LRP1B: variants seen among roughly 807,000 people sequenced by gnomAD.
LRP1B encodes low-density lipoprotein receptor-related protein 1B.
In LRP1B, 217 loss-of-function variants were observed where a neutral mutation model predicts 556.6. That is an observed-to-expected ratio of 0.39 (90% CI 0.35 to 0.44). LRP1B has a LOEUF of 0.44. Among genes scored for constraint, LRP1B ranks in the 20% least tolerant of loss-of-function variants. LRP1B has a pLI of 1.00. For synonymous variants in LRP1B, 2,047 were observed against 1,865.8 expected (o/e 1.10, Z -2.50); for missense variants, 5,053 against 5,620.8 (o/e 0.90, Z 3.23).
chr2:141,378,954 AT>A (rs1183014828), intron 3 of LRP1B, among the ~76,000 whole-genome samples: 3 of 152,224 alleles, frequency 2.0e-5, no homozygotes, highest in African/African-American at 7.2e-5. Flanking sequence ...AAGTGAGAAT[AT>A]TTGAATACAT....
intron 2 of LRP1B, among the ~76,000 whole-genome samples, chr2:141,503,521 T>C (rs988931803): frequency 2.6e-5 from 4 of 152,004 alleles, no homozygotes; most frequent in African/African-American, 9.7e-5. Context: ...TGTATGACCA[T>C]TCTACCTGTA....
intron 41 of LRP1B, among the ~76,000 whole-genome samples, chr2:140,687,429 A>C (rs781458496): frequency 6.6e-6 from 1 of 152,192 alleles, no homozygotes; most frequent in Non-Finnish European, 1.5e-5. Context: ...ATGCTATCCT[A>C]GGCGTTGCAA....
chr2:141,720,395 C>T (rs992630794), intron 2 of LRP1B, among the ~76,000 whole-genome samples: 3 of 152,060 alleles, frequency 2.0e-5, no homozygotes. Context: ...AATGGTATAA[C>T]ATTTTCAATA....
intron 21 of LRP1B, among the ~76,000 whole-genome samples, chr2:140,921,032 A>G (rs1377243787): frequency 6.6e-6 from 1 of 152,002 alleles, no homozygotes; most frequent in Non-Finnish European, 1.5e-5. Flanking sequence ...AAATATCAAT[A>G]CACATTTTAA....
At chr2:140,767,554 G>A (rs6723234) in intron 35 of LRP1B, among the ~76,000 whole-genome samples, 77,790 of 151,120 alleles carry the variant, frequency 0.51, 20,161 homozygotes, top group East Asian at 0.75. Flanking sequence ...AACTCATTCA[G>A]ATGATCTATT....
At chr2:140,631,773 C>A (rs922793049) in intron 41 of LRP1B, among the ~76,000 whole-genome samples, 29 of 152,012 alleles carry the variant, frequency 1.9e-4, no homozygotes, top group Non-Finnish European at 3.4e-4. Flanking sequence ...ATGATAGACA[C>A]AAAACCATAG....
chr2:141,653,936 C>G (rs555069012), intron 2 of LRP1B, among the ~76,000 whole-genome samples: 121 of 152,236 alleles, frequency 7.9e-4, no homozygotes, highest in African/African-American at 2.7e-3. Context: ...ATTGTTTGGG[C>G]CACCATGTAT....
chr2:141,811,698 C>CA (rs1696364266), intron 1 of LRP1B, among the ~76,000 whole-genome samples: 2 of 151,922 alleles, frequency 1.3e-5, no homozygotes, highest in South Asian at 4.2e-4. Flanking sequence ...AGTTAACCAC[C>CA]AACAGCATGC....
At chr2:140,418,091 G>C (rs1357920858) in intron 66 of LRP1B, among the ~76,000 whole-genome samples, 1 of 152,192 alleles carries the variant, frequency 6.6e-6, no homozygotes. Flanking sequence ...TATTCAACCT[G>C]CTTGGCAAAC....
intron 1 of LRP1B, among the ~76,000 whole-genome samples, chr2:141,927,970 G>A (rs1700382834): frequency 6.7e-6 from 1 of 148,610 alleles, no homozygotes; most frequent in Non-Finnish European, 1.5e-5. Flanking sequence ...TTTTAAAGCT[G>A]TTGATGTTCT....
intron 1 of LRP1B, among the ~76,000 whole-genome samples, chr2:141,991,324 C>T (rs1702337604): frequency 4.6e-5 from 7 of 152,038 alleles, no homozygotes; most frequent in African/African-American, 1.7e-4. Flanking sequence ...GTCATTCACA[C>T]TTATGTCCAG....
At chr2:140,454,807 G>C (rs1001810221) in intron 62 of LRP1B, among the ~76,000 whole-genome samples, 1 of 152,100 alleles carries the variant, frequency 6.6e-6, no homozygotes, top group Admixed American at 6.6e-5. Context: ...CCTGTAGTGA[G>C]GCTGATGTTT....
chr2:140,655,798 CCGGGCATAGTGG>C lies in LRP1B; in HGVS notation c.6799+44440_6799+44451del, dbSNP rs368113631. Among the ~76,000 whole-genome samples the C allele has an allele frequency of 9.9e-3, 1,503 of 152,184 alleles. 29 individuals carry two copies. Among genetic ancestry groups the C allele is most frequent in the African/African-American group, 0.035 (1,436 of 41,526 alleles). On this transcript the variant is annotated intron_variant, in intron 41 of 90. Coordinates refer to ENST00000389484, the MANE Select transcript of LRP1B (RefSeq NM_018557.3). Reference sequence around the variant, plus strand: ...TCTACTAAAAATACAAAAAAATTAGCCGGGCATAGTGGCGGGCGCCTGTAGTCCCAGCTACTC... The same window carrying C: ...TCTACTAAAAATACAAAAAAATTAGCCGGGCGCCTGTAGTCCCAGCTACTC...
chr2:140,286,453 C>T (rs1187031632), intron 84 of LRP1B, among the ~76,000 whole-genome samples: 1 of 151,756 alleles, frequency 6.6e-6, no homozygotes, highest in African/African-American at 2.4e-5. Context: ...AACAGACACT[C>T]AGATGCTGGA....
intron 7 of LRP1B, among the ~76,000 whole-genome samples, chr2:141,112,071 T>TAAATA (rs1553461490): frequency 1.2e-4 from 17 of 145,822 alleles, no homozygotes; most frequent in East Asian, 8.0e-4. Flanking sequence ...AATAAATAAA[T>TAAATA]AATAAATAAA....
intron 10 of LRP1B, among the ~76,000 whole-genome samples, chr2:141,050,532 G>C (rs1195480214): frequency 3.9e-5 from 6 of 151,904 alleles, no homozygotes; most frequent in African/African-American, 1.5e-4. Flanking sequence ...GTTGTGTGTT[G>C]TTCCCCTCCC....
chr2:141,557,559 G>A (rs536674200), intron 2 of LRP1B, among the ~76,000 whole-genome samples: 3 of 151,964 alleles, frequency 2.0e-5, no homozygotes, highest in South Asian at 2.1e-4. Context: ...TACCACATCC[G>A]TTCCTGAAAA....
intron 6 of LRP1B, among the ~76,000 whole-genome samples, chr2:141,200,752 C>T (rs1681973796): frequency 6.6e-6 from 1 of 152,144 alleles, no homozygotes; most frequent in African/African-American, 2.4e-5. Flanking sequence ...TGTCTCCCCA[C>T]ATTAGAATAT....
At chr2:141,258,840 C>T (rs938838069) in intron 3 of LRP1B, among the ~76,000 whole-genome samples, 20 of 152,252 alleles carry the variant, frequency 1.3e-4, no homozygotes, top group Admixed American at 2.6e-4. Context: ...GCTTCCACCA[C>T]GATTGTAAGT....
Sources: gnomAD v4.1 joint callset for allele counts (sites outside exome capture counted in the v4.1 genomes callset) on GRCh38, gnomAD v4.1.1 for gene constraint, MANE v1.5 for transcripts, NCBI Gene and HGNC (gene_info 2026-07-23, HGNC 2026-07-21) for gene names.